TBC1D22B: variants seen among roughly 807,000 people sequenced by gnomAD.
TBC1D22B encodes the protein TBC1 domain family member 22B.
Under a neutral mutation model 69.1 loss-of-function variants are expected in TBC1D22B, and 32 were observed. That is an observed-to-expected ratio of 0.46 (90% CI 0.35 to 0.62). TBC1D22B has a LOEUF of 0.62. Ranked by LOEUF, TBC1D22B falls within the 20% of genes least tolerant of loss-of-function variation. The pLI is 0.00. For missense variants in TBC1D22B, 462 were observed against 630.9 expected (o/e 0.73, Z 2.87); for synonymous variants, 206 against 229.8 (o/e 0.90, Z 0.94).
At chr6:37,294,631 T>C (rs763477979) in intron 8 of TBC1D22B, among the ~76,000 whole-genome samples, 2 of 152,230 alleles carry the variant, frequency 1.3e-5, no homozygotes, top group Admixed American at 6.5e-5. Context: ...TTAAGAATTA[T>C]GCAAAATATA....
chr6:37,310,526 G>A (rs1447347330), intron 8 of TBC1D22B, among the ~76,000 whole-genome samples: 1 of 152,112 alleles, frequency 6.6e-6, no homozygotes, highest in East Asian at 1.9e-4. Flanking sequence ...AAATTAGCCA[G>A]GCATAGTGGC....
chr6:37,314,992 G>T (rs949059889), intron 10 of TBC1D22B, among the ~76,000 whole-genome samples: 1 of 152,010 alleles, frequency 6.6e-6, no homozygotes, highest in Non-Finnish European at 1.5e-5. Context: ...TAGCCCTCAC[G>T]TTTGGGCCCC....
chr6:37,277,161 C>G (rs939659452), intron 2 of TBC1D22B, among the ~76,000 whole-genome samples: 6 of 151,766 alleles, frequency 4.0e-5, no homozygotes, highest in Non-Finnish European at 7.4e-5. Context: ...TAAAATTCAA[C>G]TTCTTGATTT....
chr6:37,258,560 C>T (rs1185963148), intron 1 of TBC1D22B, among the ~76,000 whole-genome samples: 2 of 152,210 alleles, frequency 1.3e-5, no homozygotes, highest in East Asian at 3.8e-4. Context: ...CAGGGTTATT[C>T]CTTTGGCATT....
Position 37,300,659 on chromosome 6 carries a change from G to T in TBC1D22B, c.982+9302G>T, listed in dbSNP as rs998159375. Among the ~76,000 whole-genome samples the T allele has an allele frequency of 3.9e-5, 6 of 152,016 alleles. No homozygotes were observed. The East Asian group carries it at 1.2e-3, about 29-fold the overall frequency. On this transcript the variant is annotated intron_variant, in intron 8 of 12. Coordinates refer to ENST00000373491, the MANE Select transcript of TBC1D22B (RefSeq NM_017772.4). ...TTACAGGCATGAGCCACCGTGCCTGGCTATTATTTTTTATTAGTGGCTTTT... is the reference window on the plus strand; with the variant it reads ...TTACAGGCATGAGCCACCGTGCCTGTCTATTATTTTTTATTAGTGGCTTTT...
At chr6:37,265,476 C>G (rs931612156) in intron 1 of TBC1D22B, among the ~76,000 whole-genome samples, 1 of 151,310 alleles carries the variant, frequency 6.6e-6, no homozygotes, top group African/African-American at 2.4e-5. Flanking sequence ...TTGAAGAATT[C>G]AGGTGTACTC....
intron 8 of TBC1D22B, among the ~76,000 whole-genome samples, chr6:37,307,758 G>C (rs1289863774): frequency 6.6e-6 from 1 of 152,162 alleles, no homozygotes. Context: ...AAATAGAAAG[G>C]CCATCTGCAG....
chr6:37,282,088 T>TG, intron 3 of TBC1D22B, 97 bp from the exon 4 acceptor site: 1 of 1,410,984 alleles, frequency 7.1e-7, no homozygotes, highest in Non-Finnish European at 1.0e-6. Context: ...GCCACACCCT[T>TG]GGGGAGGAAA....
At chr6:37,277,323 G>A (rs146876730) in intron 2 of TBC1D22B, among the ~76,000 whole-genome samples, 13 of 152,130 alleles carry the variant, frequency 8.5e-5, no homozygotes, top group African/African-American at 2.9e-4. Flanking sequence ...GTTTGTTCTC[G>A]ACAGCGAATC....
At chr6:37,283,664 G>T (rs1418658394) in intron 5 of TBC1D22B, among the ~76,000 whole-genome samples, 1 of 152,182 alleles carries the variant, frequency 6.6e-6, no homozygotes, top group Non-Finnish European at 1.5e-5. Flanking sequence ...CTTCTAATAA[G>T]TTTGAATACT....
Position 37,313,944 on chromosome 6 carries a change from T to A in TBC1D22B, c.1165+53T>A, listed in dbSNP as rs146378210. 3.4e-3 allele frequency: 5,363 copies of A among 1,557,468 alleles called. 10 individuals carry two copies. The highest frequency in any genetic ancestry group is 4.4e-3 in the Non-Finnish European group (4,938 of 1,128,626). ...AGCAATAGCAGAGTTGATTCTGTTA[T>A]GAGGCGGTTGTGCTTGTGGGTCCTC... On this transcript the variant is annotated intron_variant, in intron 10 of 12. Coordinates refer to ENST00000373491, the MANE Select transcript of TBC1D22B (RefSeq NM_017772.4).
chr6:37,298,381 T>C (rs1357740336), intron 8 of TBC1D22B, among the ~76,000 whole-genome samples: 1 of 152,126 alleles, frequency 6.6e-6, no homozygotes, highest in Non-Finnish European at 1.5e-5. Context: ...TACTTTTCTG[T>C]ATTTTGCTTG....
chr6:37,271,323 G>A (rs1659742383), intron 2 of TBC1D22B, among the ~76,000 whole-genome samples: 2 of 151,876 alleles, frequency 1.3e-5, no homozygotes, highest in Non-Finnish European at 1.5e-5. Flanking sequence ...AAAAAACAAA[G>A]CAAAACAAAA....
chr6:37,326,804 A>G (rs528433209), intron 12 of TBC1D22B, among the ~76,000 whole-genome samples: 6 of 152,324 alleles, frequency 3.9e-5, no homozygotes, highest in African/African-American at 1.4e-4. Context: ...AAACAGAAAA[A>G]GAAATCTTAC....
intron 12 of TBC1D22B, among the ~76,000 whole-genome samples, chr6:37,320,916 G>A (rs1279074668): frequency 6.6e-6 from 1 of 152,208 alleles, no homozygotes; most frequent in African/African-American, 2.4e-5. Context: ...CCTCTTTTGT[G>A]GTAGGTGGGG....
At chr6:37,324,836 G>A (rs1408043208) in intron 12 of TBC1D22B, among the ~76,000 whole-genome samples, 1 of 152,156 alleles carries the variant, frequency 6.6e-6, no homozygotes, top group Non-Finnish European at 1.5e-5. Context: ...GCACTACCCT[G>A]TGACCCTAGG....
rs1383651867 is a variant in TBC1D22B, at chr6:37,298,550, T to G, written c.982+7193T>G. Among the ~76,000 whole-genome samples, 11 of 141,232 alleles carry G rather than the reference T, an allele frequency of 7.8e-5. No homozygotes were observed. In the East Asian group the frequency reaches 2.2e-3, roughly 29 times the overall value. 92.7% of individuals were successfully genotyped at this position (141,232 alleles called of 152,430 possible). On this transcript the variant is annotated intron_variant, in intron 8 of 12. Coordinates refer to ENST00000373491, the MANE Select transcript of TBC1D22B (RefSeq NM_017772.4). ...TTAAGTTGCCTACAGTTTTTTTTTTTTTTTTTTTTTTTTGAGACGGAGTCT... is the reference window on the plus strand; with the variant it reads ...TTAAGTTGCCTACAGTTTTTTTTTTGTTTTTTTTTTTTTGAGACGGAGTCT...
chr6:37,304,594 T>C (rs1767655241), intron 8 of TBC1D22B, among the ~76,000 whole-genome samples: 1 of 152,160 alleles, frequency 6.6e-6, no homozygotes, highest in African/African-American at 2.4e-5. Context: ...TCTATGGCGA[T>C]AGAAATGAGA....
At chr6:37,310,068 T>C (rs1213399210) in intron 8 of TBC1D22B, among the ~76,000 whole-genome samples, 2 of 146,872 alleles carry the variant, frequency 1.4e-5, no homozygotes, top group South Asian at 2.1e-4. Flanking sequence ...ATATAATGTA[T>C]AATTATATTT....
Sources: gnomAD v4.1 joint callset for allele counts (sites outside exome capture counted in the v4.1 genomes callset) on GRCh38, gnomAD v4.1.1 for gene constraint, MANE v1.5 for transcripts, NCBI Gene and HGNC (gene_info 2026-07-23, HGNC 2026-07-21) for gene names.